FMN1: variants seen among roughly 807,000 people sequenced by gnomAD.
FMN1 encodes formin-1.
In FMN1, 110 loss-of-function variants were observed where a neutral mutation model predicts 132.4. The ratio of observed to expected loss-of-function variants is 0.83; its 90% CI spans 0.71 to 0.97. The LOEUF (loss-of-function observed/expected upper bound fraction) is 0.97. Ranked by LOEUF, FMN1 falls within the 50% of genes least tolerant of loss-of-function variation. FMN1 has a pLI of 0.00. For synonymous variants in FMN1, 722 were observed against 651.7 expected (o/e 1.11, Z -1.64); for missense variants, 1,792 against 1,705.3 (o/e 1.05, Z -0.90).
intron 4 of FMN1, among the ~76,000 whole-genome samples, chr15:33,131,898 C>T (rs1963564943): frequency 6.6e-6 from 1 of 152,166 alleles, no homozygotes; most frequent in Admixed American, 6.5e-5. Context: ...AAGAAAGATA[C>T]TAGTCTGAAT....
intron 5 of FMN1, among the ~76,000 whole-genome samples, chr15:33,080,465 G>C (rs2038407314): frequency 6.6e-6 from 1 of 152,172 alleles, no homozygotes; most frequent in Non-Finnish European, 1.5e-5. Context: ...AAAAGTTCCA[G>C]AGACTGGCCA....
At chr15:33,055,822 G>C (rs1344448118) in intron 6 of FMN1, among the ~76,000 whole-genome samples, 1 of 152,126 alleles carries the variant, frequency 6.6e-6, no homozygotes, top group Non-Finnish European at 1.5e-5. Context: ...TATTAAGAGA[G>C]AGAAAAAACA....
intron 16 of FMN1, among the ~76,000 whole-genome samples, chr15:32,860,155 G>T (rs72717690): frequency 0.015 from 2,219 of 148,122 alleles, 45 homozygotes; most frequent in East Asian, 0.063. Flanking sequence ...AAAGAGGAAG[G>T]AAGGAAGGAA....
intron 13 of FMN1, chr15:32,900,355 T>C: frequency 1.5e-6 from 1 of 674,336 alleles, no homozygotes; most frequent in Non-Finnish European, 2.7e-6. Flanking sequence ...AGTGCATGTT[T>C]TAATACATGA....
intron 7 of FMN1, among the ~76,000 whole-genome samples, chr15:32,983,366 G>A (rs1054062217): frequency 1.3e-5 from 2 of 152,164 alleles, no homozygotes; most frequent in Admixed American, 6.6e-5. Flanking sequence ...TCAGAAGAGG[G>A]GTTGTCTTCC....
intron 8 of FMN1, among the ~76,000 whole-genome samples, chr15:32,967,603 T>G (rs2031364472): frequency 6.6e-6 from 1 of 152,202 alleles, no homozygotes; most frequent in Admixed American, 6.5e-5. Flanking sequence ...ATTTGGGAAA[T>G]TACAAAGTAT....
In FMN1 at chr15:33,189,693, T is replaced by A. The variant is rs541174304; in HGVS notation, c.-197+4216A>T. Among the ~76,000 whole-genome samples, 4 of 152,278 alleles carry A rather than the reference T, an allele frequency of 2.6e-5. No homozygotes were observed. The East Asian group carries it at 5.8e-4, about 22-fold the overall frequency. On this transcript the variant is annotated intron_variant, in intron 2 of 20. Coordinates refer to ENST00000616417, the MANE Select transcript of FMN1 (RefSeq NM_001277313.2). ...TAAGCAAACACATTAATCTCTATGA[T>A]CCTTGATTTCCTCATCTGTAGGAGA...
intron 9 of FMN1, among the ~76,000 whole-genome samples, chr15:32,932,557 T>C (rs1248195717): frequency 1.3e-5 from 2 of 152,182 alleles, no homozygotes; most frequent in Non-Finnish European, 2.9e-5. Flanking sequence ...TTTGGAAGAG[T>C]TTGAGAAGCA....
chr15:33,120,780 G>A (rs547932644), intron 4 of FMN1, among the ~76,000 whole-genome samples: 1 of 151,522 alleles, frequency 6.6e-6, no homozygotes, highest in African/African-American at 2.4e-5. Flanking sequence ...CTGCACATTT[G>A]GTTTTTTTAA....
rs8027512 is a variant in FMN1, at chr15:33,107,454, A to G, written c.1868-18480T>C. Among the ~76,000 whole-genome samples, 479 of 152,060 alleles carry G rather than the reference A, an allele frequency of 3.2e-3. 4 individuals carry two copies. The highest frequency in any genetic ancestry group is 0.011 in the African/African-American group (444 of 41,502). On this transcript the variant is annotated intron_variant, in intron 4 of 20. Coordinates refer to ENST00000616417, the MANE Select transcript of FMN1 (RefSeq NM_001277313.2). ...CAAATCCCTGGCCTTAAAGAACATC[A>G]CTGGACTTGATCCCCGCCTATCACT...
chr15:32,815,104 G>A (rs1258795), intron 17 of FMN1, among the ~76,000 whole-genome samples: 59,469 of 151,750 alleles, frequency 0.39, 12,107 homozygotes, highest in Non-Finnish European at 0.45. Flanking sequence ...CACCACGCCC[G>A]GCTAATTTTT....
At chr15:32,794,105 A>C (rs923788698) in intron 19 of FMN1, among the ~76,000 whole-genome samples, 1 of 152,170 alleles carries the variant, frequency 6.6e-6, no homozygotes, top group Admixed American at 6.5e-5. Flanking sequence ...GCAGTTCCAT[A>C]ATCACCCATA....
chr15:33,183,178 C>T (rs1273929219), intron 2 of FMN1, among the ~76,000 whole-genome samples: 3 of 152,296 alleles, frequency 2.0e-5, no homozygotes, highest in Admixed American at 1.3e-4. Flanking sequence ...TACAATCAAA[C>T]CCTGTTGTAT....
intron 4 of FMN1, among the ~76,000 whole-genome samples, chr15:33,092,145 T>C (rs1595453220): frequency 6.6e-6 from 1 of 152,328 alleles, no homozygotes; most frequent in East Asian, 1.9e-4. Context: ...TGGAACCACT[T>C]TGAAAGTCTG....
chr15:32,803,331 T>C (rs1199976377), intron 18 of FMN1, among the ~76,000 whole-genome samples: 1 of 152,176 alleles, frequency 6.6e-6, no homozygotes, highest in Non-Finnish European at 1.5e-5. Context: ...CCGCTGTCTA[T>C]TGCCACTCAC....
chr15:33,089,045 G>A (rs2038809143), intron 4 of FMN1, 71 bp from the exon 5 acceptor site: 81 of 1,338,154 alleles, frequency 6.1e-5, no homozygotes, highest in Non-Finnish European at 7.8e-5. Flanking sequence ...CCATATTTGG[G>A]GAACTCCTAC....
intron 9 of FMN1, among the ~76,000 whole-genome samples, chr15:32,954,966 G>A (rs2061731946): frequency 6.6e-6 from 1 of 152,232 alleles, no homozygotes; most frequent in African/African-American, 2.4e-5. Flanking sequence ...AGGCAACAGA[G>A]TGAGACTTTT....
chr15:32,844,117 A>G (rs2058805718), intron 17 of FMN1, among the ~76,000 whole-genome samples: 1 of 149,746 alleles, frequency 6.7e-6, no homozygotes, highest in South Asian at 2.2e-4. Flanking sequence ...TTCAAGGCTC[A>G]GTTTCTCAAT....
In FMN1 at chr15:33,069,993, C is replaced by CTTT. The variant is rs1171369156; in HGVS notation, c.2044-4922_2044-4920dup. 8.9e-3 allele frequency among the ~76,000 whole-genome samples: 663 copies of CTTT among 74,092 alleles called. 15 individuals carry two copies. The highest frequency in any genetic ancestry group is 0.013 in the Non-Finnish European group (536 of 40,466). The allele number at this position is 74,092 out of a possible 152,430, so 48.6% of individuals were successfully genotyped here. ...AACAGATCATAAGATCAGTCTTTCT[C>CTTT]TTTTTTTTTTTTTTTTTTTTTTTTT... On this transcript the variant is annotated intron_variant, in intron 5 of 20. Coordinates refer to ENST00000616417, the MANE Select transcript of FMN1 (RefSeq NM_001277313.2).
Sources: gnomAD v4.1 joint callset for allele counts (sites outside exome capture counted in the v4.1 genomes callset) on GRCh38, gnomAD v4.1.1 for gene constraint, MANE v1.5 for transcripts, NCBI Gene and HGNC (gene_info 2026-07-23, HGNC 2026-07-21) for gene names.